ATP8A2: variants seen among roughly 807,000 people sequenced by gnomAD.
ATP8A2 encodes ATPase phospholipid transporting 8A2, also known as phospholipid-transporting ATPase IB.
Under a neutral mutation model 165.6 loss-of-function variants are expected in ATP8A2, and 100 were observed. The observed-to-expected ratio is 0.60, with a 90% CI of 0.51 to 0.71. The LOEUF (loss-of-function observed/expected upper bound fraction) is 0.71, where lower values mean the gene tolerates loss of function less well. Ranked by LOEUF, ATP8A2 falls within the 30% of genes least tolerant of loss-of-function variation. The probability of loss-of-function intolerance (pLI) is 0.00; values close to 1 mark genes in which losing one functional copy is unlikely to be tolerated. For synonymous variants in ATP8A2, 543 were observed against 548.8 expected (o/e 0.99, Z 0.15); for missense variants, 1,227 against 1,479.5 (o/e 0.83, Z 2.80).
chr13:25,565,702 TC>T (rs1476466153), intron 16 of ATP8A2, among the ~76,000 whole-genome samples: 1 of 152,232 alleles, frequency 6.6e-6, no homozygotes, highest in Non-Finnish European at 1.5e-5. Flanking sequence ...TGCTGACTGT[TC>T]CTTTTGCTGT....
intron 24 of ATP8A2, among the ~76,000 whole-genome samples, chr13:25,613,031 T>A (rs932989213): frequency 1.3e-5 from 2 of 152,036 alleles, no homozygotes; most frequent in African/African-American, 4.8e-5. Flanking sequence ...GTTAGGGGAG[T>A]CTCTTAAAGA....
chr13:25,979,386 C>A (rs989763251), intron 35 of ATP8A2, among the ~76,000 whole-genome samples: 1 of 152,198 alleles, frequency 6.6e-6, no homozygotes, highest in African/African-American at 2.4e-5. Context: ...GTAAATTCTT[C>A]TGTAGACCAG....
intron 24 of ATP8A2, among the ~76,000 whole-genome samples, chr13:25,642,837 G>A (rs1386470087): frequency 6.6e-6 from 1 of 152,148 alleles, no homozygotes; most frequent in African/African-American, 2.4e-5. Context: ...TGATAGACTG[G>A]ATTAAGAAAA....
At chr13:25,630,857 C>A (rs114318265) in intron 24 of ATP8A2, among the ~76,000 whole-genome samples, 16 of 151,934 alleles carry the variant, frequency 1.1e-4, no homozygotes. Context: ...CCTTAGGGTC[C>A]GCTTTCTCAT....
chr13:26,016,204 T>G (rs1156882480), intron 36 of ATP8A2, among the ~76,000 whole-genome samples: 1 of 152,250 alleles, frequency 6.6e-6, no homozygotes, highest in Non-Finnish European at 1.5e-5. Context: ...TAAGAAAGTC[T>G]TAGCGTACAA....
chr13:25,714,078 A>T (rs2043206653), intron 25 of ATP8A2, among the ~76,000 whole-genome samples: 1 of 152,016 alleles, frequency 6.6e-6, no homozygotes. Flanking sequence ...ATTAACCCAG[A>T]GTTTGGTGTT....
intron 30 of ATP8A2, among the ~76,000 whole-genome samples, chr13:25,854,649 A>G (rs1433964399): frequency 6.6e-6 from 1 of 152,096 alleles, no homozygotes; most frequent in Non-Finnish European, 1.5e-5. Context: ...AAATATTTCC[A>G]AGTGGCTTCT....
intron 25 of ATP8A2, among the ~76,000 whole-genome samples, chr13:25,701,495 C>T (rs1203472960): frequency 2.0e-5 from 3 of 152,000 alleles, no homozygotes; most frequent in African/African-American, 7.3e-5. Flanking sequence ...CTTCTGCCTG[C>T]CACTGCCCTG....
At chr13:25,551,219 G>T (rs1422278894) in intron 10 of ATP8A2, 119 bp from the exon 11 acceptor site, 3 of 944,320 alleles carry the variant, frequency 3.2e-6, no homozygotes, top group Admixed American at 2.3e-5. Context: ...TGATTATTTG[G>T]CAAAAAAATA....
chr13:25,414,768 G>A (rs1288749476), intron 1 of ATP8A2, among the ~76,000 whole-genome samples: 1 of 152,140 alleles, frequency 6.6e-6, no homozygotes, highest in Non-Finnish European at 1.5e-5. Context: ...GAATTTCATT[G>A]CCCAAGTTGT....
rs549478798 is a variant in ATP8A2 at position 25,805,535 on chromosome 13, T to A, written c.2680-22583T>A. On this transcript the variant is annotated intron_variant, in intron 27 of 36. Coordinates refer to ENST00000381655, the MANE Select transcript of ATP8A2 (RefSeq NM_016529.6). ...CTGTCTCAAAAAAAAAGAAAAAGAG[T>A]AACAAAGTAAGATATCTTTTGTCTG... Among the ~76,000 whole-genome samples, 3 of 151,904 alleles carry A rather than the reference T, an allele frequency of 2.0e-5. No individual in the cohort carries two copies. In the South Asian group the frequency reaches 6.2e-4, roughly 32 times the overall value.
chr13:25,693,986 T>A (rs1441874572), intron 24 of ATP8A2, among the ~76,000 whole-genome samples: 2 of 152,216 alleles, frequency 1.3e-5, no homozygotes, highest in Non-Finnish European at 2.9e-5. Context: ...TGCCTCAGCC[T>A]CCCAAGTGGC....
intron 25 of ATP8A2, among the ~76,000 whole-genome samples, chr13:25,721,296 T>C (rs2043376404): frequency 6.6e-6 from 1 of 152,026 alleles, no homozygotes; most frequent in South Asian, 2.1e-4. Context: ...TGGTTTTTAA[T>C]ATAGTCACAG....
At chr13:25,831,307 C>T (rs754276230) in intron 28 of ATP8A2, among the ~76,000 whole-genome samples, 12 of 151,618 alleles carry the variant, frequency 7.9e-5, no homozygotes, top group African/African-American at 2.7e-4. Flanking sequence ...TTCCACCTCC[C>T]GGGTTCACGC....
intron 25 of ATP8A2, among the ~76,000 whole-genome samples, chr13:25,753,176 A>G (rs980207668): frequency 1.3e-5 from 2 of 152,210 alleles, no homozygotes; most frequent in Admixed American, 6.5e-5. Flanking sequence ...CCTGGTGGCC[A>G]ACAGCACGTC....
At chr13:25,964,884 G>C (rs1473046179) in intron 34 of ATP8A2, among the ~76,000 whole-genome samples, 1 of 152,204 alleles carries the variant, frequency 6.6e-6, no homozygotes, top group East Asian at 1.9e-4. Flanking sequence ...TTTAGACCAG[G>C]CACAGTGGCT....
chr13:25,938,729 G>A (rs1566285670), intron 33 of ATP8A2, among the ~76,000 whole-genome samples: 1 of 152,224 alleles, frequency 6.6e-6, no homozygotes, highest in Non-Finnish European at 1.5e-5. Context: ...GGGCTAGGAA[G>A]AGACACCTGT....
intron 16 of ATP8A2, among the ~76,000 whole-genome samples, chr13:25,566,560 C>T (rs536616750): frequency 1.3e-5 from 2 of 152,196 alleles, no homozygotes; most frequent in South Asian, 2.1e-4. Flanking sequence ...ATAGGAGCTC[C>T]GGAGACTGCT....
intron 33 of ATP8A2, among the ~76,000 whole-genome samples, chr13:25,895,883 C>T (rs1394522981): frequency 2.6e-5 from 4 of 151,970 alleles, no homozygotes; most frequent in Non-Finnish European, 5.9e-5. Context: ...GGTGATATCC[C>T]CTTTGTCATT....
Sources: gnomAD v4.1 joint callset for allele counts (sites outside exome capture counted in the v4.1 genomes callset) on GRCh38, gnomAD v4.1.1 for gene constraint, MANE v1.5 for transcripts, NCBI Gene and HGNC (gene_info 2026-07-23, HGNC 2026-07-21) for gene names.